HACD2: variants seen among roughly 807,000 people sequenced by gnomAD.
HACD2 encodes 3-hydroxyacyl-CoA dehydratase 2.
HACD2 carries 15 observed loss-of-function variants against 31.0 expected under a neutral mutation model. The ratio of observed to expected loss-of-function variants is 0.48; its 90% CI spans 0.32 to 0.75. The LOEUF (loss-of-function observed/expected upper bound fraction) is 0.75. Ranked by LOEUF, HACD2 falls within the 30% of genes least tolerant of loss-of-function variation. The pLI is 0.03. For synonymous variants in HACD2, 115 were observed against 122.2 expected, an observed-to-expected ratio of 0.94 and a Z score of 0.39; for missense variants, 283 against 313.0, an observed-to-expected ratio of 0.90 and a Z score of 0.72.
intron 3 of HACD2, among the ~76,000 whole-genome samples, chr3:123,545,715 ATTT>A (rs1156885967): frequency 7.0e-6 from 1 of 141,870 alleles, no homozygotes; most frequent in Non-Finnish European, 1.5e-5. Flanking sequence ...TAATAATAAG[ATTT>A]TTTTTTTTTT....
chr3:123,537,578 T>TACACACACACACACACACACAC (rs201885124), intron 3 of HACD2, among the ~76,000 whole-genome samples: 2 of 144,308 alleles, frequency 1.4e-5, no homozygotes, highest in Non-Finnish European at 3.0e-5. Context: ...CAACAACAAA[T>TACACACACACACACACACACAC]ACACATACAC....
intron 4 of HACD2, 103 bp downstream of exon 4, chr3:123,528,283 G>T: frequency 1.3e-6 from 1 of 744,196 alleles, no homozygotes; most frequent in Non-Finnish European, 2.4e-6. Flanking sequence ...ACATGACCTG[G>T]AACTCTGACC....
At chr3:123,576,530 C>A (rs2056909326) in intron 2 of HACD2, among the ~76,000 whole-genome samples, 1 of 152,202 alleles carries the variant, frequency 6.6e-6, no homozygotes, top group Non-Finnish European at 1.5e-5. Flanking sequence ...TACACTATAA[C>A]TTGCTCTTGC....
At chr3:123,573,334 A>G (rs2056874893) in intron 2 of HACD2, among the ~76,000 whole-genome samples, 1 of 152,164 alleles carries the variant, frequency 6.6e-6, no homozygotes, top group Admixed American at 6.5e-5. Flanking sequence ...TACTGGGGGA[A>G]AACACCTTTC....
intron 3 of HACD2, among the ~76,000 whole-genome samples, chr3:123,549,640 T>TG (rs2056597474): frequency 6.6e-6 from 1 of 151,986 alleles, no homozygotes; most frequent in Non-Finnish European, 1.5e-5. Flanking sequence ...CACACCTACT[T>TG]GGGAGGCTGA....
chr3:123,534,006 G>T (rs1163435572), intron 3 of HACD2, among the ~76,000 whole-genome samples: 5 of 147,286 alleles, frequency 3.4e-5, no homozygotes, highest in African/African-American at 1.3e-4. Flanking sequence ...CAAAAACACT[G>T]GCAGATAAAA....
At chr3:123,528,523 G>C (rs765136903) in intron 3 of HACD2, 49 bp from the exon 4 acceptor site, 20 of 1,071,516 alleles carry the variant, frequency 1.9e-5, no homozygotes, top group Non-Finnish European at 2.8e-5. Context: ...ACTAAGTTTC[G>C]ATATATAATA....
chr3:123,546,293 C>T lies in HACD2; in HGVS notation c.293-17819G>A, dbSNP rs1387227836. On this transcript the variant is annotated intron_variant, in intron 3 of 6. Transcript: ENST00000383657. ...TGGATGGACTCATGGATTGCTCTAT[C>T]GGCTCAGGACTTGAGCAACCATCCA... 2.6e-5 allele frequency among the ~76,000 whole-genome samples: 4 copies of T among 152,292 alleles called. No individual in the cohort carries two copies. The East Asian group carries it at 5.8e-4, about 22-fold the overall frequency.
At chr3:123,547,720 A>C (rs2056575717) in intron 3 of HACD2, among the ~76,000 whole-genome samples, 1 of 152,190 alleles carries the variant, frequency 6.6e-6, no homozygotes, top group East Asian at 1.9e-4. Flanking sequence ...GCATTACGTT[A>C]GATTACATAG....
intron 3 of HACD2, among the ~76,000 whole-genome samples, chr3:123,533,002 T>C (rs1006775525): frequency 2.0e-5 from 3 of 152,176 alleles, no homozygotes; most frequent in Non-Finnish European, 1.5e-5. Flanking sequence ...TCCTTTCCAA[T>C]AATAAGAATT....
chr3:123,498,370 G>A (rs1160207711), intron 6 of HACD2, among the ~76,000 whole-genome samples: 1 of 152,240 alleles, frequency 6.6e-6, no homozygotes, highest in Non-Finnish European at 1.5e-5. Context: ...GGTAAAGAAA[G>A]CAGACTTCTG....
intron 6 of HACD2, among the ~76,000 whole-genome samples, chr3:123,498,421 C>T (rs1216287571): frequency 6.6e-6 from 1 of 152,142 alleles, no homozygotes; most frequent in Non-Finnish European, 1.5e-5. Flanking sequence ...AAGAGGGGTC[C>T]CCAACCGCCA....
intron 4 of HACD2, among the ~76,000 whole-genome samples, chr3:123,524,634 C>T (rs545150121): frequency 4.7e-4 from 72 of 152,242 alleles, no homozygotes; most frequent in African/African-American, 1.7e-3. Flanking sequence ...GAAGTCAGCA[C>T]AACAAAAGTT....
intron 3 of HACD2, among the ~76,000 whole-genome samples, chr3:123,530,663 T>G (rs917083321): frequency 9.2e-5 from 14 of 152,242 alleles, no homozygotes; most frequent in East Asian, 7.8e-4. Flanking sequence ...TGCCTTGGCC[T>G]CCCAAAGTGC....
chr3:123,499,320 T>TAG (rs1265696298), intron 6 of HACD2: 1 of 175,358 alleles, frequency 5.7e-6, no homozygotes, highest in African/African-American at 2.4e-5. Flanking sequence ...TATTACTTAG[T>TAG]AGTTTAGATG....
At chr3:123,512,441 C>T (rs1267765075) in intron 4 of HACD2, among the ~76,000 whole-genome samples, 1 of 152,112 alleles carries the variant, frequency 6.6e-6, no homozygotes, top group Non-Finnish European at 1.5e-5. Context: ...CCCTTCCCCA[C>T]GTGGAGGACA....
chr3:123,535,027 A>G (rs143645952), intron 3 of HACD2, among the ~76,000 whole-genome samples: 161 of 152,320 alleles, frequency 1.1e-3, no homozygotes, highest in Non-Finnish European at 1.2e-3. Flanking sequence ...TATTGCAGAA[A>G]GAAAAATATA....
At chr3:123,580,208 C>T (rs1409042158) in intron 2 of HACD2, among the ~76,000 whole-genome samples, 1 of 151,792 alleles carries the variant, frequency 6.6e-6, no homozygotes, top group Non-Finnish European at 1.5e-5. Flanking sequence ...AAAAGAAATT[C>T]CTCTGCCTTC....
chr3:123,539,062 T>C (rs2056457921), intron 3 of HACD2, among the ~76,000 whole-genome samples: 2 of 152,178 alleles, frequency 1.3e-5, no homozygotes, highest in South Asian at 2.1e-4. Flanking sequence ...ACTGGATATA[T>C]ACAGTATATC....
Sources: allele counts gnomAD v4.1 joint callset (sites outside exome capture counted in the v4.1 genomes callset), GRCh38; gene constraint gnomAD v4.1.1; transcripts MANE v1.5; gene names NCBI Gene and HGNC (gene_info 2026-07-23, HGNC 2026-07-21).